MKNK1: variants seen among roughly 807,000 people sequenced by gnomAD.
The protein encoded by MKNK1 is MAP kinase-interacting serine/threonine-protein kinase 1.
A neutral mutation model predicts 49.3 loss-of-function variants in MKNK1; 30 were observed. The observed-to-expected ratio is 0.61, with a 90% CI of 0.46 to 0.83. The LOEUF is 0.83. MKNK1 is among the 40% of genes least tolerant of loss of function. The probability of loss-of-function intolerance (pLI) is 0.00; values close to 1 mark genes in which losing one functional copy is unlikely to be tolerated. For missense variants in MKNK1, 423 were observed against 524.7 expected (o/e 0.81, Z 1.89); for synonymous variants, 176 against 201.7 (o/e 0.87, Z 1.08).
chr1:46,564,945 C>G, intron 9 of MKNK1, 96 bp downstream of exon 9: 1 of 1,194,198 alleles, frequency 8.4e-7, no homozygotes, highest in Non-Finnish European at 1.2e-6. Flanking sequence ...GATAGGTCCA[C>G]TTGGTTTTCC....
chr1:46,565,062 G>C lies in MKNK1; in HGVS notation c.588C>G (p.Thr196=). ...GTACTGGGGTGGTCAGCTCTGGTGT[G>C]GTTATGGGGGTACAGGAGTTGTTCA... ...MKLNNSCTPI[T]TPELTTPCGS... is the part of the protein sequence containing the mutation. The change falls in exon 9 of 13, where the codon ACC becomes ACG. Residue 196 remains threonine, a synonymous_variant. Transcript: ENST00000371945. 1 of 1,614,178 alleles carries C rather than the reference G, an allele frequency of 6.2e-7. No homozygotes were observed. The highest frequency in any genetic ancestry group is 8.5e-7 in the Non-Finnish European group (1 of 1,180,014).
chr1:46,560,701 T>C (rs1407882235), intron 11 of MKNK1, among the ~76,000 whole-genome samples: 2 of 152,208 alleles, frequency 1.3e-5, no homozygotes, highest in Non-Finnish European at 2.9e-5. Flanking sequence ...TGTCTACTTC[T>C]CTCCACTAGA....
At chr1:46,600,064 C>T (rs1674543004) in intron 1 of MKNK1, among the ~76,000 whole-genome samples, 2 of 152,126 alleles carry the variant, frequency 1.3e-5, no homozygotes, top group South Asian at 4.2e-4. Flanking sequence ...GTTCCTTCTC[C>T]CAGGAATAAA....
chr1:46,592,891 C>G (rs935980356), intron 2 of MKNK1, among the ~76,000 whole-genome samples: 2 of 152,134 alleles, frequency 1.3e-5, no homozygotes, highest in African/African-American at 4.8e-5. Context: ...AACAGTAGGA[C>G]CATCAAACAG....
At chr1:46,585,906 G>C (rs764095471) in intron 2 of MKNK1, 1 of 1,364,450 alleles carries the variant, frequency 7.3e-7, no homozygotes, top group Non-Finnish European at 9.8e-7. Context: ...CAATGAAAGA[G>C]GGTACGCCAG....
intron 6 of MKNK1, 22 bp from the exon 7 acceptor site, chr1:46,572,189 G>C (rs1433637291): frequency 1.9e-6 from 3 of 1,601,726 alleles, no homozygotes; most frequent in East Asian, 4.5e-5. Flanking sequence ...AGGGGACATA[G>C]AAGAATGCCT....
intron 4 of MKNK1, 155 bp downstream of exon 4, chr1:46,580,375 C>T (rs1235842593): frequency 6.5e-6 from 4 of 618,994 alleles, no homozygotes; most frequent in African/African-American, 1.8e-5. Context: ...AGTAACTTGC[C>T]CGAGGTACAC....
chr1:46,559,178 C>T (rs796884944), intron 12 of MKNK1, among the ~76,000 whole-genome samples: 7 of 152,224 alleles, frequency 4.6e-5, no homozygotes, highest in African/African-American at 1.2e-4. Context: ...GCAAGGCCTG[C>T]GCCGCTTATG....
chr1:46,575,350 C>A, intron 5 of MKNK1: 1 of 208,470 alleles, frequency 4.8e-6, no homozygotes, highest in Non-Finnish European at 9.6e-6. Context: ...CGACTGGAAG[C>A]AATTGCGGCT....
At chr1:46,568,246 C>A in intron 8 of MKNK1, 197 bp downstream of exon 8, 1 of 588,378 alleles carries the variant, frequency 1.7e-6, no homozygotes, top group Non-Finnish European at 3.1e-6. Context: ...ACATCAATCA[C>A]ACTGATGATC....
intron 6 of MKNK1, chr1:46,573,735 T>C (rs915655429): frequency 6.3e-5 from 9 of 142,368 alleles, no homozygotes; most frequent in East Asian, 3.9e-4. Context: ...TTTACATACT[T>C]TTTTTTTTTT....
At chr1:46,571,556 A>T in intron 7 of MKNK1, 1 of 439,930 alleles carries the variant, frequency 2.3e-6, no homozygotes, top group Non-Finnish European at 4.5e-6. Context: ...AGGAAAAAAA[A>T]GGAAAAAGAA....
At chr1:46,572,246 C>T (rs1199908866) in intron 6 of MKNK1, 79 bp from the exon 7 acceptor site, 2 of 1,208,710 alleles carry the variant, frequency 1.7e-6, no homozygotes, top group African/African-American at 1.5e-5. Context: ...CGAAGTCTCA[C>T]TCTGTTACCC....
rs368337960 is a variant in MKNK1, at chr1:46,562,639, C to T, written c.804+10G>A. 1.2e-4 allele frequency: 191 copies of T among 1,550,026 alleles called. No homozygotes were observed. Among genetic ancestry groups the T allele is most frequent in the Admixed American group, 2.8e-4 (14 of 50,880 alleles). ...AGGGTCTACGCAGTGCTCCCTGGGG[C>T]CGCACTCACCTGGCACACCCTGCAG... On this transcript the variant is annotated intron_variant, in intron 10 of 12. Coordinates refer to ENST00000371945, the MANE Select transcript of MKNK1 (RefSeq NM_001135553.4).
At chr1:46,559,931 T>G in intron 12 of MKNK1, 3 of 486,528 alleles carry the variant, frequency 6.2e-6, no homozygotes, top group Non-Finnish European at 7.5e-6. Context: ...GAATAACCCA[T>G]GGGTAAGGTC....
chr1:46,583,152 G>A, intron 3 of MKNK1, 76 bp downstream of exon 3: 1 of 1,142,020 alleles, frequency 8.8e-7, no homozygotes, highest in Non-Finnish European at 1.3e-6. Flanking sequence ...TCTGTGATCG[G>A]ACCTGTGGCT....
intron 10 of MKNK1, 95 bp downstream of exon 10, chr1:46,562,554 T>A: frequency 7.3e-7 from 1 of 1,378,620 alleles, no homozygotes; most frequent in African/African-American, 1.5e-5. Flanking sequence ...CCCATCCCGA[T>A]CAGGAACGCT....
intron 1 of MKNK1, among the ~76,000 whole-genome samples, chr1:46,600,502 C>T (rs916463189): frequency 2.0e-5 from 3 of 152,168 alleles, no homozygotes; most frequent in Non-Finnish European, 4.4e-5. Context: ...AACTAAGATC[C>T]GCTAATACTC....
rs1667391873 is a variant in MKNK1 at position 46,558,735 on chromosome 1, G to A, written c.1079C>T (p.Ser360Phe). Reference sequence around the variant, plus strand: ...TGCTAGTTCGTTCTCTTCGTGCTGAGATAGCTGGCGGTTAAGGGCGATGGC... The same window carrying A: ...TGCTAGTTCGTTCTCTTCGTGCTGAAATAGCTGGCGGTTAAGGGCGATGGC... ...AEAIALNRQL[S>F]QHEENELAEE... Residue 360 changes from serine (S) to phenylalanine (F), a missense_variant, in exon 13 of 13, where the codon TCT becomes TTT. Coordinates refer to ENST00000371945, the MANE Select transcript of MKNK1 (RefSeq NM_001135553.4). 6.2e-7 allele frequency: 1 copy of A among 1,614,160 alleles called. No homozygotes were observed. Among genetic ancestry groups the A allele is most frequent in the South Asian group, 1.1e-5 (1 of 91,096 alleles).
Sources: allele counts gnomAD v4.1 joint callset (sites outside exome capture counted in the v4.1 genomes callset), GRCh38; gene constraint gnomAD v4.1.1; transcripts MANE v1.5; gene names NCBI Gene and HGNC (gene_info 2026-07-23, HGNC 2026-07-21).